Variants in FAM163A observed in about 807,000 individuals in gnomAD.
FAM163A encodes family with sequence similarity 163 member A, also known as protein FAM163A.
In FAM163A, 7 loss-of-function variants were observed where a neutral mutation model predicts 12.0. The ratio of observed to expected loss-of-function variants is 0.58; its 90% confidence interval spans 0.33 to 1.10. The LOEUF is 1.10. FAM163A is among the 50% of genes least tolerant of loss of function. The pLI is 0.03. For synonymous variants in FAM163A, 101 were observed against 91.0 expected (o/e 1.11, Z -0.62); for missense variants, 202 against 218.6 (o/e 0.92, Z 0.48).
Position 179,743,426 on chromosome 1 carries a change from A to G in FAM163A, c.-136+3A>G, listed in dbSNP as rs1437902745. Reference sequence around the variant, plus strand: ...CCGAGCGGAGCTGCTCAGCCGCGGTAACGGGTCGGGGCCTCATCGTGCAGG... The same window carrying G: ...CCGAGCGGAGCTGCTCAGCCGCGGTGACGGGTCGGGGCCTCATCGTGCAGG... On this transcript the variant is annotated splice_donor_region_variant and intron_variant, in intron 1 of 4. Transcript: ENST00000341785. 2 of 152,202 alleles carry G rather than the reference A, an allele frequency of 1.3e-5. No individual in the cohort carries two copies. The highest frequency in any genetic ancestry group is 4.8e-5 in the African/African-American group (2 of 41,446). 9.4% of individuals were successfully genotyped at this position (152,202 alleles called of 1,614,324 possible).
chr1:179,777,302 T>C (rs748122344), intron 1 of FAM163A, among the ~76,000 whole-genome samples: 8 of 152,214 alleles, frequency 5.3e-5, no homozygotes, highest in Non-Finnish European at 1.2e-4. Context: ...AAAAGCTCAC[T>C]GAAGAGAAAT....
intron 1 of FAM163A, among the ~76,000 whole-genome samples, chr1:179,783,721 A>AT (rs1690124456): frequency 1.1e-5 from 1 of 92,184 alleles, no homozygotes; most frequent in South Asian, 3.0e-4. Flanking sequence ...TATACTTCCC[A>AT]AATTTTATAT....
rs115661697 is a variant in FAM163A at position 179,757,932 on chromosome 1, A to G, written c.-136+14509A>G. On this transcript the variant is annotated intron_variant, in intron 1 of 4. Transcript: ENST00000341785. Reference sequence around the variant, plus strand: ...GAAGTATTCTGAACTAAAGGATTCAAGTGTTTGAGCCTAGACAACTGAACA... The same window carrying G: ...GAAGTATTCTGAACTAAAGGATTCAGGTGTTTGAGCCTAGACAACTGAACA... Among the ~76,000 whole-genome samples the G allele has an allele frequency of 4.3e-3, 654 of 152,366 alleles. 3 individuals carry two copies. Among genetic ancestry groups the G allele is most frequent in the African/African-American group, 0.015 (624 of 41,590 alleles).
intron 1 of FAM163A, among the ~76,000 whole-genome samples, chr1:179,748,399 G>A (rs1403221426): frequency 6.6e-6 from 1 of 152,178 alleles, no homozygotes; most frequent in African/African-American, 2.4e-5. Context: ...AGCCCTATTA[G>A]TTTTTAAAAA....
chr1:179,761,811 A>C (rs1686854982), intron 1 of FAM163A, among the ~76,000 whole-genome samples: 1 of 152,118 alleles, frequency 6.6e-6, no homozygotes, highest in Admixed American at 6.5e-5. Context: ...CTTTAAGCTA[A>C]TAATGATTGA....
chr1:179,793,861 C>T (rs1343840765), intron 1 of FAM163A, among the ~76,000 whole-genome samples: 1 of 152,208 alleles, frequency 6.6e-6, no homozygotes, highest in African/African-American at 2.4e-5. Context: ...GTGGCTGTTG[C>T]CGGCCCAGGG....
chr1:179,791,340 C>T (rs906489296), intron 1 of FAM163A, among the ~76,000 whole-genome samples: 3 of 152,146 alleles, frequency 2.0e-5, no homozygotes, highest in East Asian at 1.9e-4. Flanking sequence ...CATATCCTTG[C>T]GCTGTCCAAA....
chr1:179,800,583 G>A (rs1054680040), intron 1 of FAM163A, among the ~76,000 whole-genome samples: 3 of 152,208 alleles, frequency 2.0e-5, no homozygotes, highest in Admixed American at 6.5e-5. Flanking sequence ...GACACTGGGG[G>A]TCCTGAAACC....
chr1:179,786,104 GTAATTAATACTTTTTAATCT>G (rs1163717159), intron 1 of FAM163A, among the ~76,000 whole-genome samples: 1 of 152,186 alleles, frequency 6.6e-6, no homozygotes, highest in African/African-American at 2.4e-5. Context: ...AAAGGGGCTA[GTAATTAATACTTTTTAATCT>G]TGACCAAGTT....
intron 1 of FAM163A, among the ~76,000 whole-genome samples, chr1:179,758,553 A>G (rs1031724097): frequency 1.3e-5 from 2 of 152,132 alleles, no homozygotes; most frequent in African/African-American, 4.8e-5. Context: ...GTAGAGGTGA[A>G]GGGCACAGAG....
upstream of FAM163A, among the ~76,000 whole-genome samples, chr1:179,741,619 C>T (rs2147924443): frequency 1.3e-5 from 2 of 152,332 alleles, no homozygotes; most frequent in Non-Finnish European, 2.9e-5. Flanking sequence ...ACTACAACTA[C>T]ATGCCACAAA....
intron 1 of FAM163A, among the ~76,000 whole-genome samples, chr1:179,801,371 C>A (rs1296903507): frequency 6.6e-6 from 1 of 152,144 alleles, no homozygotes; most frequent in Non-Finnish European, 1.5e-5. Flanking sequence ...ACCCACACAG[C>A]TCTCCAAGCC....
the FAM163A span, among the ~76,000 whole-genome samples, chr1:179,732,145 C>T: frequency 2.0e-5 from 3 of 152,208 alleles, no homozygotes; most frequent in African/African-American, 4.8e-5. Context: ...CATTCTTCTT[C>T]GACTTAAGGT....
At chr1:179,795,166 G>A (rs1692099482) in intron 1 of FAM163A, among the ~76,000 whole-genome samples, 1 of 152,198 alleles carries the variant, frequency 6.6e-6, no homozygotes, top group Non-Finnish European at 1.5e-5. Flanking sequence ...AGCAATTTAT[G>A]ACACATCATT....
chr1:179,754,883 T>A (rs1685783613), intron 1 of FAM163A, among the ~76,000 whole-genome samples: 1 of 152,182 alleles, frequency 6.6e-6, no homozygotes, highest in Non-Finnish European at 1.5e-5. Context: ...ATGCCTGTAA[T>A]CCCAGTTCTT....
chr1:179,813,624 T>C (rs1415513602), intron 4 of FAM163A, among the ~76,000 whole-genome samples, 155 bp from the exon 5 acceptor site: 2 of 152,158 alleles, frequency 1.3e-5, no homozygotes, highest in Non-Finnish European at 2.9e-5. Context: ...CTTGCAAAGC[T>C]GGGATTAGAA....
chr1:179,731,183 G>T, the FAM163A span, among the ~76,000 whole-genome samples: 20 of 152,120 alleles, frequency 1.3e-4, no homozygotes, highest in African/African-American at 4.6e-4. Flanking sequence ...TTCTAGTATT[G>T]AGTATACAGT....
At chr1:179,789,798 TA>T (rs544695888) in intron 1 of FAM163A, among the ~76,000 whole-genome samples, 1 of 151,834 alleles carries the variant, frequency 6.6e-6, no homozygotes, top group Admixed American at 6.6e-5. Flanking sequence ...GTTACACAAC[TA>T]AAAAAAATGG....
chr1:179,734,779 A>C, the FAM163A span, among the ~76,000 whole-genome samples: 2 of 152,204 alleles, frequency 1.3e-5, no homozygotes, highest in Non-Finnish European at 2.9e-5. Flanking sequence ...GTATTTCAGG[A>C]AGCTTCCACC....
Sources: gnomAD v4.1 joint callset for allele counts (sites outside exome capture counted in the v4.1 genomes callset) on GRCh38, gnomAD v4.1.1 for gene constraint, MANE v1.5 for transcripts, NCBI Gene and HGNC (gene_info 2026-07-23, HGNC 2026-07-21) for gene names.